Variants in NAV2 observed in about 807,000 individuals in gnomAD.
NAV2 encodes the protein neuron navigator 2, also known as helicase, APC down-regulated 1.
NAV2 carries 54 observed loss-of-function variants against 223.2 expected under a neutral mutation model. The observed-to-expected ratio is 0.24, with a 90% CI of 0.19 to 0.30. NAV2 has a LOEUF of 0.30. NAV2 is among the 10% of genes least tolerant of loss of function. The pLI, the probability that NAV2 is intolerant of heterozygous loss-of-function variation, is 1.00. For missense variants in NAV2, 2,806 were observed against 3,147.5 expected (o/e 0.89, Z 2.60); for synonymous variants, 1,279 against 1,239.3 (o/e 1.03, Z -0.67).
At chr11:19,445,883 A>T (rs910990770) in intron 1 of NAV2, among the ~76,000 whole-genome samples, 10 of 152,034 alleles carry the variant, frequency 6.6e-5, no homozygotes, top group African/African-American at 2.4e-4. Flanking sequence ...AAGGTAGGTG[A>T]TGTTATTATC....
At chr11:19,538,777 A>C (rs61446304) in intron 1 of NAV2, among the ~76,000 whole-genome samples, 17,600 of 151,916 alleles carry the variant, frequency 0.12, 1,435 homozygotes, top group African/African-American at 0.23. Flanking sequence ...GTGGATTCAC[A>C]TACTATTGTA....
chr11:20,021,168 A>C (rs899766039), intron 11 of NAV2, among the ~76,000 whole-genome samples: 2 of 152,216 alleles, frequency 1.3e-5, no homozygotes, highest in Admixed American at 6.5e-5. Context: ...AATGTACTGT[A>C]AAATTTACAT....
chr11:19,818,355 G>A (rs1448670329), intron 1 of NAV2, among the ~76,000 whole-genome samples: 1 of 144,270 alleles, frequency 6.9e-6, no homozygotes, highest in African/African-American at 2.6e-5. Context: ...TTACCATGGT[G>A]TAAATCCTTC....
chr11:19,629,816 C>T lies in NAV2; in HGVS notation c.76-202668C>T, dbSNP rs900210639. On this transcript the variant is annotated intron_variant, in intron 1 of 37. Transcript: ENST00000360655. ...CACCCTGCACTTTCCCGCCTCTCAA[C>T]CTCTGCTCTCACAGTGCCTCACCCT... 2.6e-5 allele frequency among the ~76,000 whole-genome samples: 4 copies of T among 152,300 alleles called. No homozygotes were observed. In the East Asian group the frequency reaches 5.8e-4, roughly 22 times the overall value.
chr11:19,881,934 T>A (rs2063239364), intron 5 of NAV2, among the ~76,000 whole-genome samples: 1 of 152,066 alleles, frequency 6.6e-6, no homozygotes, highest in South Asian at 2.1e-4. Context: ...ATAAGGTAGT[T>A]TGGAAGGAGA....
At chr11:19,774,671 G>A (rs1590423032) in intron 1 of NAV2, among the ~76,000 whole-genome samples, 1 of 152,086 alleles carries the variant, frequency 6.6e-6, no homozygotes, top group East Asian at 1.9e-4. Flanking sequence ...CAACACCCTC[G>A]GCAAAGCTGG....
intron 11 of NAV2, among the ~76,000 whole-genome samples, chr11:20,013,767 C>T (rs1265041315): frequency 6.6e-6 from 1 of 152,176 alleles, no homozygotes; most frequent in African/African-American, 2.4e-5. Context: ...GTCAAATTCA[C>T]AAGGCAAATG....
intron 5 of NAV2, among the ~76,000 whole-genome samples, chr11:19,881,371 T>A (rs2063196567): frequency 6.6e-6 from 1 of 152,192 alleles, no homozygotes; most frequent in Non-Finnish European, 1.5e-5. Context: ...CCTGGAGAAC[T>A]GCCTGAGTGG....
chr11:19,654,560 C>T (rs1467023673), intron 1 of NAV2, among the ~76,000 whole-genome samples: 2 of 152,236 alleles, frequency 1.3e-5, no homozygotes, highest in Non-Finnish European at 2.9e-5. Flanking sequence ...ACCAATGGAA[C>T]AGAACAGAGC....
chr11:19,779,908 T>C (rs1048689117), intron 1 of NAV2, among the ~76,000 whole-genome samples: 1 of 152,138 alleles, frequency 6.6e-6, no homozygotes. Context: ...TGGAAGTCAA[T>C]TGTGTGTGAA....
chr11:19,866,858 C>G (rs1208194948), intron 3 of NAV2, among the ~76,000 whole-genome samples: 1 of 152,076 alleles, frequency 6.6e-6, no homozygotes, highest in Admixed American at 6.5e-5. Flanking sequence ...GGATGGTGAG[C>G]TTTTTCTTTT....
At chr11:20,104,597 C>T (rs2061887027) in intron 34 of NAV2, 1 of 152,524 alleles carries the variant, frequency 6.6e-6, no homozygotes, top group Non-Finnish European at 1.5e-5. Context: ...CCATCGTCCT[C>T]CTCTTTCCCC....
At position 19,933,909 on chromosome 11, in the gene NAV2, G is replaced by A. The variant is rs988553690; in HGVS notation, c.1665G>A (p.Glu555=). The A allele has an allele frequency of 6.3e-7, 1 of 1,584,986 alleles. No homozygotes were observed. The highest frequency in any genetic ancestry group is 8.5e-7 in the Non-Finnish European group (1 of 1,169,892). Residue 555 remains glutamate, a synonymous_variant, in exon 7 of 38, where the codon GAG becomes GAA. Coordinates refer to ENST00000349880, the MANE Select transcript of NAV2 (RefSeq NM_145117.5). This position sits in a 1 kb window ranked among gnomAD's most constrained non-coding sequence, Gnocchi z 4.3. ...KGGKLNSAKK[E]PMAPSHSGIP... ...GGAAGCTCAACAGTGCCAAGAAGGAGCCCATGGCCCCTTCCCACAGTGGAA... is the reference window on the plus strand; with the variant it reads ...GGAAGCTCAACAGTGCCAAGAAGGAACCCATGGCCCCTTCCCACAGTGGAA...
chr11:19,535,452 G>A (rs1228159072), intron 1 of NAV2, among the ~76,000 whole-genome samples: 1 of 152,196 alleles, frequency 6.6e-6, no homozygotes, highest in Non-Finnish European at 1.5e-5. Context: ...CTGGGAAGAT[G>A]CAGCCAGCTT....
chr11:19,908,846 G>T (rs75785770), intron 6 of NAV2, among the ~76,000 whole-genome samples: 1 of 151,994 alleles, frequency 6.6e-6, no homozygotes, highest in Admixed American at 6.6e-5. Flanking sequence ...TAGATTTGTG[G>T]TTGCTAGGGC....
intron 1 of NAV2, among the ~76,000 whole-genome samples, chr11:19,753,071 C>T (rs1185183097): frequency 6.6e-6 from 1 of 152,192 alleles, no homozygotes; most frequent in Non-Finnish European, 1.5e-5. Context: ...TCAGGAGGAA[C>T]ACCGTTACCA....
intron 1 of NAV2, among the ~76,000 whole-genome samples, chr11:19,517,329 T>G (rs1188268250): frequency 6.6e-6 from 1 of 152,234 alleles, no homozygotes. Flanking sequence ...TTTCTGCTTC[T>G]GATTCTGAAC....
chr11:20,103,503 G>A (rs1017089193), intron 33 of NAV2, 94 bp downstream of exon 33: 4 of 1,520,312 alleles, frequency 2.6e-6, no homozygotes, highest in African/African-American at 2.7e-5. Flanking sequence ...GCCGTTGTGG[G>A]AGTGAAGCTG....
intron 22 of NAV2, among the ~76,000 whole-genome samples, chr11:20,074,193 C>T (rs868503827): frequency 2.0e-4 from 30 of 152,124 alleles, no homozygotes; most frequent in African/African-American, 7.2e-4. Context: ...CTTATGTACC[C>T]AGTAGTCATT....
Sources: allele counts gnomAD v4.1 joint callset (sites outside exome capture counted in the v4.1 genomes callset), GRCh38; gene constraint gnomAD v4.1.1; non-coding constraint Gnocchi (gnomAD v3.1); transcripts MANE v1.5; gene names NCBI Gene and HGNC (gene_info 2026-07-23, HGNC 2026-07-21).